The following COMMD10 variants were observed in gnomAD, a reference collection of about 807,000 sequenced individuals.
COMMD10 encodes the protein COMM domain containing 10, also known as COMM domain-containing protein 10.
In COMMD10, 33 loss-of-function variants were observed where a neutral mutation model predicts 28.9. The observed-to-expected ratio is 1.14, with a 90% CI of 0.87 to 1.53. COMMD10 has a LOEUF of 1.53. Ranked by LOEUF, COMMD10 falls within the 40% of genes most tolerant of loss-of-function variation. The pLI is 0.00. For missense variants in COMMD10, 310 were observed against 233.4 expected (o/e 1.33, Z -2.14); for synonymous variants, 110 against 81.7 (o/e 1.35, Z -1.87).
At chr5:116,257,538 C>G (rs1168571561) in intron 5 of COMMD10, among the ~76,000 whole-genome samples, 2 of 151,704 alleles carry the variant, frequency 1.3e-5, no homozygotes, top group Admixed American at 1.3e-4. Flanking sequence ...AGTTGGTTTG[C>G]TATTAATAAG....
chr5:116,177,809 G>C (rs760015882), intron 5 of COMMD10, among the ~76,000 whole-genome samples: 1 of 152,056 alleles, frequency 6.6e-6, no homozygotes, highest in Non-Finnish European at 1.5e-5. Flanking sequence ...CTTTGAACAT[G>C]CTTTCATTTG....
intron 5 of COMMD10, among the ~76,000 whole-genome samples, chr5:116,266,341 A>C (rs983590992): frequency 6.6e-6 from 1 of 151,754 alleles, no homozygotes; most frequent in African/African-American, 2.4e-5. Flanking sequence ...TTAAGCTGTT[A>C]TATTTTTCTT....
At chr5:116,185,239 T>G (rs200649458) in intron 5 of COMMD10, among the ~76,000 whole-genome samples, 1 of 151,840 alleles carries the variant, frequency 6.6e-6, no homozygotes, top group African/African-American at 2.4e-5. Flanking sequence ...TTTACTTTTT[T>G]TTCAGTTTGA....
rs1380888535 is a variant in COMMD10, at chr5:116,223,766, A to T, written c.511-67751A>T. ...TACCCTGAAAGAAGTTCATGATCGT[A>T]GGAGTGGAGGCAGTGAGAAGAGGTG... is the stretch of plus-strand genomic sequence containing the variant. On this transcript the variant is annotated intron_variant, in intron 5 of 6. Transcript: ENST00000274458. Among the ~76,000 whole-genome samples, 4 of 152,194 alleles carry T rather than the reference A, an allele frequency of 2.6e-5. No homozygotes were observed. The East Asian group carries it at 5.8e-4, about 22-fold the overall frequency.
At chr5:116,174,623 A>C (rs1044348163) in intron 5 of COMMD10, among the ~76,000 whole-genome samples, 2 of 129,996 alleles carry the variant, frequency 1.5e-5, no homozygotes, top group Non-Finnish European at 3.0e-5. Flanking sequence ...AATACTTTGA[A>C]GGGAATATGG....
intron 5 of COMMD10, among the ~76,000 whole-genome samples, chr5:116,150,429 T>C (rs2112550984): frequency 6.6e-6 from 1 of 152,336 alleles, no homozygotes. Context: ...TGGCATTGAA[T>C]GTATAAATTA....
At chr5:116,177,975 T>C (rs567197862) in intron 5 of COMMD10, among the ~76,000 whole-genome samples, 73 of 152,296 alleles carry the variant, frequency 4.8e-4, no homozygotes, top group African/African-American at 1.7e-3. Flanking sequence ...TTTACTCAGA[T>C]AATATGAGCA....
chr5:116,223,895 T>C (rs981764659), intron 5 of COMMD10, among the ~76,000 whole-genome samples: 3 of 152,198 alleles, frequency 2.0e-5, no homozygotes, highest in Non-Finnish European at 4.4e-5. Context: ...TGGTATTCTT[T>C]GCTGAACTGC....
intron 5 of COMMD10, among the ~76,000 whole-genome samples, chr5:116,257,005 A>G (rs992474915): frequency 2.0e-5 from 3 of 151,798 alleles, no homozygotes; most frequent in Admixed American, 6.6e-5. Context: ...GCATCAAACA[A>G]TGGCAGGCTT....
intron 6 of COMMD10, 117 bp from the exon 7 acceptor site, chr5:116,292,334 A>G (rs949525755): frequency 5.8e-6 from 3 of 516,474 alleles, no homozygotes; most frequent in East Asian, 3.1e-5. Flanking sequence ...AATGGATTTA[A>G]TATTCATAGT....
intron 5 of COMMD10, among the ~76,000 whole-genome samples, chr5:116,269,364 C>G (rs1750694173): frequency 2.0e-5 from 3 of 151,842 alleles, no homozygotes; most frequent in Non-Finnish European, 4.4e-5. Flanking sequence ...CTGTGATTTC[C>G]TGCCCCAATT....
intron 4 of COMMD10, among the ~76,000 whole-genome samples, chr5:116,107,890 T>G (rs1384336763): frequency 6.6e-6 from 1 of 152,246 alleles, no homozygotes; most frequent in East Asian, 1.9e-4. Flanking sequence ...TTTGTTGATG[T>G]TGATACTATT....
chr5:116,284,097 A>G (rs889713721), intron 5 of COMMD10, among the ~76,000 whole-genome samples: 1 of 151,816 alleles, frequency 6.6e-6, no homozygotes, highest in African/African-American at 2.4e-5. Flanking sequence ...ATACCATTGC[A>G]CTCCAGCCTG....
intron 5 of COMMD10, among the ~76,000 whole-genome samples, chr5:116,149,323 T>C (rs1249229742): frequency 2.1e-5 from 3 of 144,606 alleles, no homozygotes; most frequent in Non-Finnish European, 4.5e-5. Context: ...CATACGTGTG[T>C]GTGTGTCTTT....
intron 4 of COMMD10, among the ~76,000 whole-genome samples, chr5:116,102,555 A>T (rs996150154): frequency 6.6e-6 from 1 of 152,168 alleles, no homozygotes; most frequent in African/African-American, 2.4e-5. Flanking sequence ...CATTGCTTCC[A>T]TATGAATTTT....
At chr5:116,229,911 T>C (rs1749485515) in intron 5 of COMMD10, among the ~76,000 whole-genome samples, 1 of 151,950 alleles carries the variant, frequency 6.6e-6, no homozygotes, top group African/African-American at 2.4e-5. Context: ...TTTATCGTCC[T>C]TTATTTAGAC....
intron 5 of COMMD10, among the ~76,000 whole-genome samples, chr5:116,201,569 GACTTGACTTCTCTT>G (rs1748668393): frequency 6.6e-6 from 1 of 152,116 alleles, no homozygotes; most frequent in South Asian, 2.1e-4. Flanking sequence ...TTTACCCTAT[GACTTGACTTCTCTT>G]ATGGATCCGA....
At chr5:116,153,130 G>A (rs986522051) in intron 5 of COMMD10, among the ~76,000 whole-genome samples, 6 of 151,980 alleles carry the variant, frequency 3.9e-5, no homozygotes, top group African/African-American at 9.7e-5. Flanking sequence ...ATATATTTTG[G>A]CTATATGTTT....
chr5:116,191,879 T>A (rs992361783), intron 5 of COMMD10, among the ~76,000 whole-genome samples: 1 of 151,970 alleles, frequency 6.6e-6, no homozygotes, highest in African/African-American at 2.4e-5. Flanking sequence ...AGAACCCTCA[T>A]GGAGTCCGTT....
Sources: allele counts gnomAD v4.1 joint callset (sites outside exome capture counted in the v4.1 genomes callset), GRCh38; gene constraint gnomAD v4.1.1; transcripts MANE v1.5; gene names NCBI Gene and HGNC (gene_info 2026-07-23, HGNC 2026-07-21).